The following MLIP variants were observed in gnomAD, a reference collection of about 807,000 sequenced individuals.
MLIP encodes the protein muscular LMNA-interacting protein.
A neutral mutation model predicts 84.8 loss-of-function variants in MLIP; 79 were observed. That is an observed-to-expected ratio of 0.93 (90% CI 0.78 to 1.12). The LOEUF (loss-of-function observed/expected upper bound fraction) is 1.12, where lower values mean the gene tolerates loss of function less well. Ranked by LOEUF, MLIP falls within the 50% of genes most tolerant of loss-of-function variation. The pLI is 0.00. For missense variants in MLIP, 1,257 were observed against 1,160.6 expected, an observed-to-expected ratio of 1.08 and a Z score of -1.21; for synonymous variants, 504 against 463.0, an observed-to-expected ratio of 1.09 and a Z score of -1.14.
chr6:54,144,615 G>C (rs1436441825), intron 4 of MLIP, among the ~76,000 whole-genome samples: 7 of 152,162 alleles, frequency 4.6e-5, no homozygotes, highest in African/African-American at 1.7e-4. Context: ...TGCTGATCTG[G>C]TAGGAGGCAG....
intron 1 of MLIP, chr6:54,028,875 T>C (rs1026680986): frequency 6.6e-6 from 1 of 152,228 alleles, no homozygotes; most frequent in African/African-American, 2.4e-5. Context: ...AAGTCATTTA[T>C]ACTAAGGTCT....
chr6:54,241,310 A>G (rs1308327698), intron 12 of MLIP, among the ~76,000 whole-genome samples: 2 of 151,862 alleles, frequency 1.3e-5, no homozygotes, highest in African/African-American at 4.8e-5. Flanking sequence ...GAGTGTATGT[A>G]TATATACTAT....
intron 1 of MLIP, among the ~76,000 whole-genome samples, chr6:54,047,789 A>C (rs1765152310): frequency 6.6e-6 from 1 of 152,250 alleles, no homozygotes; most frequent in Non-Finnish European, 1.5e-5. Context: ...TGTGCTATGC[A>C]CATAGATTGC....
chr6:54,255,835 T>G (rs998692030), intron 12 of MLIP, among the ~76,000 whole-genome samples: 1 of 152,162 alleles, frequency 6.6e-6, no homozygotes, highest in Non-Finnish European at 1.5e-5. Context: ...GATTAGAAGG[T>G]TGGACGTTTG....
intron 12 of MLIP, among the ~76,000 whole-genome samples, chr6:54,252,625 C>T (rs994485277): frequency 2.0e-5 from 3 of 150,180 alleles, no homozygotes; most frequent in Non-Finnish European, 3.0e-5. Context: ...AACCTCTGAC[C>T]TCTGGCCTCC....
At chr6:54,250,188 A>G (rs1046077365) in intron 12 of MLIP, among the ~76,000 whole-genome samples, 2 of 152,124 alleles carry the variant, frequency 1.3e-5, no homozygotes, top group African/African-American at 4.8e-5. Flanking sequence ...CAGAATGGGT[A>G]TTATTAAAAA....
chr6:54,218,154 AT>A, intron 11 of MLIP: 1 of 234,184 alleles, frequency 4.3e-6, no homozygotes, highest in Non-Finnish European at 7.0e-6. Flanking sequence ...TCATTAGGTG[AT>A]TTTGTCATTG....
chr6:54,136,639 G>A (rs895617748), intron 3 of MLIP, 76 bp from the exon 4 acceptor site: 5 of 1,301,984 alleles, frequency 3.8e-6, no homozygotes, highest in South Asian at 1.9e-5. Flanking sequence ...TTGTATAATC[G>A]CACAAGTGAC....
At chr6:54,197,283 T>G (rs901362697) in intron 10 of MLIP, among the ~76,000 whole-genome samples, 1 of 152,044 alleles carries the variant, frequency 6.6e-6, no homozygotes, top group African/African-American at 2.4e-5. Flanking sequence ...ATTTAGGAGA[T>G]GAGTGACATG....
chr6:54,098,958 A>G (rs1246698913), intron 1 of MLIP, among the ~76,000 whole-genome samples: 1 of 152,144 alleles, frequency 6.6e-6, no homozygotes, highest in East Asian at 1.9e-4. Context: ...TTGAAGCCCA[A>G]GCAGTTTGGC....
chr6:54,252,077 T>C (rs1394200990), intron 12 of MLIP, among the ~76,000 whole-genome samples: 2 of 97,298 alleles, frequency 2.1e-5, no homozygotes, highest in Non-Finnish European at 3.5e-5. Context: ...TAACATATAA[T>C]ATATAATATA....
chr6:54,132,288 T>C lies in MLIP; in HGVS notation c.646-4427T>C, dbSNP rs149781858. On this transcript the variant is annotated intron_variant, in intron 3 of 13. Transcript: ENST00000502396. The stretch of plus-strand genomic sequence containing the variant: ...AAAGATTGAGAGAATTTCTGTTTTA[T>C]ATCTATGTTAGGATCAGGGAGCTAG... Among the ~76,000 whole-genome samples, 297 of 152,308 alleles carry C rather than the reference T, an allele frequency of 1.9e-3. 2 individuals carry two copies. Among genetic ancestry groups the C allele is most frequent in the African/African-American group, 6.8e-3 (281 of 41,580 alleles).
intron 3 of MLIP, among the ~76,000 whole-genome samples, chr6:54,132,269 T>C (rs1186735239): frequency 6.6e-6 from 1 of 152,142 alleles, no homozygotes; most frequent in Non-Finnish European, 1.5e-5. Flanking sequence ...TTTAAAAGAT[T>C]GAGAGAATTT....
intron 3 of MLIP, among the ~76,000 whole-genome samples, chr6:54,130,172 G>A (rs1346716800): frequency 6.6e-6 from 1 of 152,154 alleles, no homozygotes; most frequent in African/African-American, 2.4e-5. Flanking sequence ...TATAGTCCCT[G>A]AATGGTAGCT....
chr6:54,176,727 AG>A (rs1776324839), intron 9 of MLIP, among the ~76,000 whole-genome samples: 1 of 152,102 alleles, frequency 6.6e-6, no homozygotes, highest in South Asian at 2.1e-4. Context: ...AAACCAAAAA[AG>A]AGCCTGTATA....
intron 1 of MLIP, among the ~76,000 whole-genome samples, chr6:54,038,653 A>G (rs554863633): frequency 2.0e-5 from 3 of 151,864 alleles, no homozygotes; most frequent in Non-Finnish European, 4.4e-5. Context: ...CTTGAAGTCC[A>G]AATGTCTAGA....
At chr6:54,150,152 G>C (rs190900581) in intron 5 of MLIP, among the ~76,000 whole-genome samples, 1 of 152,238 alleles carries the variant, frequency 6.6e-6, no homozygotes, top group Admixed American at 6.5e-5. Context: ...TATCTAATAA[G>C]TAGGAATTGT....
At chr6:54,090,669 G>GTA (rs1462682330) in intron 1 of MLIP, among the ~76,000 whole-genome samples, 1 of 151,392 alleles carries the variant, frequency 6.6e-6, no homozygotes, top group Admixed American at 6.6e-5. Flanking sequence ...GTATGTGTGT[G>GTA]TGTGTGTGTG....
intron 9 of MLIP, among the ~76,000 whole-genome samples, chr6:54,177,471 C>A (rs1270859896): frequency 1.3e-5 from 2 of 151,976 alleles, no homozygotes; most frequent in Non-Finnish European, 2.9e-5. Flanking sequence ...ATTAGAGAAA[C>A]ACAAATCAAA....
Sources: allele counts gnomAD v4.1 joint callset (sites outside exome capture counted in the v4.1 genomes callset), GRCh38; gene constraint gnomAD v4.1.1; transcripts MANE v1.5; gene names NCBI Gene and HGNC (gene_info 2026-07-23, HGNC 2026-07-21).